MAP2: variants seen among roughly 807,000 people sequenced by gnomAD.
The protein encoded by MAP2 is microtubule-associated protein 2.
MAP2 carries 14 observed loss-of-function variants against 137.6 expected under a neutral mutation model. That is an observed-to-expected ratio of 0.10 (90% CI 0.07 to 0.16). The LOEUF (loss-of-function observed/expected upper bound fraction) is 0.16. MAP2 is among the 10% of genes least tolerant of loss of function. MAP2 has a pLI of 1.00. For missense variants in MAP2, 2,088 were observed against 2,191.5 expected (o/e 0.95, Z 0.94); for synonymous variants, 786 against 782.3 (o/e 1.00, Z -0.08).
At chr2:209,434,255 C>G (rs1020555871) in intron 1 of MAP2, among the ~76,000 whole-genome samples, 1 of 151,904 alleles carries the variant, frequency 6.6e-6, no homozygotes, top group South Asian at 2.1e-4. Flanking sequence ...ATTGTACTTT[C>G]GGCATGGTTC....
At chr2:209,559,786 CTT>C (rs1399408533) in intron 2 of MAP2, among the ~76,000 whole-genome samples, 1 of 148,674 alleles carries the variant, frequency 6.7e-6, no homozygotes, top group Non-Finnish European at 1.5e-5. Context: ...TCCAGAGACT[CTT>C]TGTATTTTCC....
chr2:209,519,342 G>T (rs766768044), intron 2 of MAP2, among the ~76,000 whole-genome samples: 8 of 152,040 alleles, frequency 5.3e-5, no homozygotes, highest in Non-Finnish European at 1.2e-4. Context: ...GGTAATTGGG[G>T]TGATCATCTG....
In MAP2 at chr2:209,693,345, A is replaced by G. The variant is rs767661117; in HGVS notation, c.1175A>G (p.Lys392Arg). Residue 392 changes from lysine (K) to arginine (R), a missense_variant, in exon 8 of 16, where the codon AAA becomes AGA. This residue lies in a region of MAP2 where 859 missense variants were observed against 794.5 expected (regional missense o/e 1.08). Coordinates refer to ENST00000682079, the MANE Select transcript of MAP2 (RefSeq NM_001375505.1). ...CCCTCAGAGGCAATGACCTTACCCA[A>G]AGATGCTCACATTCCAGTTGTAGAA... Reference protein sequence around the residue: ...APPSEAMTLPKDAHIPVVEEH... With the variant: ...APPSEAMTLPRDAHIPVVEEH... 19 of 1,612,978 alleles carry G rather than the reference A, an allele frequency of 1.2e-5. No individual in the cohort carries two copies. Among genetic ancestry groups the G allele is most frequent in the Non-Finnish European group, 1.6e-5 (19 of 1,179,760 alleles).
At chr2:209,465,302 T>TC (rs1465450163) in intron 1 of MAP2, among the ~76,000 whole-genome samples, 9 of 152,230 alleles carry the variant, frequency 5.9e-5, no homozygotes, top group African/African-American at 2.2e-4. Flanking sequence ...ACTAAATCAG[T>TC]CAAGGCACAT....
At chr2:209,571,419 C>A (rs2074378517) in intron 2 of MAP2, among the ~76,000 whole-genome samples, 1 of 151,904 alleles carries the variant, frequency 6.6e-6, no homozygotes, top group African/African-American at 2.4e-5. Flanking sequence ...TTAGTTTTAT[C>A]TGCTCTGGAA....
intron 1 of MAP2, among the ~76,000 whole-genome samples, chr2:209,436,807 T>C (rs1335999465): frequency 6.6e-6 from 1 of 151,698 alleles, no homozygotes; most frequent in African/African-American, 2.4e-5. Context: ...TAAAATCGTG[T>C]CCCCCTTCAA....
At chr2:209,703,913 T>C in intron 11 of MAP2, 1 of 449,582 alleles carries the variant, frequency 2.2e-6, no homozygotes, top group South Asian at 1.6e-5. Context: ...ACCTGGTTAA[T>C]AGAAAATAAA....
intron 1 of MAP2, among the ~76,000 whole-genome samples, chr2:209,456,227 G>T (rs79079399): frequency 0.057 from 8,647 of 152,200 alleles, 328 homozygotes; most frequent in East Asian, 0.19. Flanking sequence ...ATCTTCCAGT[G>T]CATCCTTAGG....
chr2:209,490,163 A>G (rs1227196412), intron 1 of MAP2, among the ~76,000 whole-genome samples: 2 of 152,188 alleles, frequency 1.3e-5, no homozygotes, highest in African/African-American at 4.8e-5. Flanking sequence ...CCAGAATTTC[A>G]TAGCCAGCCA....
intron 2 of MAP2, among the ~76,000 whole-genome samples, chr2:209,549,030 T>C (rs2068642405): frequency 6.6e-6 from 1 of 152,198 alleles, no homozygotes; most frequent in Non-Finnish European, 1.5e-5. Flanking sequence ...GAATGTTGAC[T>C]TTTTTCAATC....
intron 2 of MAP2, among the ~76,000 whole-genome samples, chr2:209,570,449 C>T (rs1224574487): frequency 6.6e-6 from 1 of 151,874 alleles, no homozygotes; most frequent in Non-Finnish European, 1.5e-5. Flanking sequence ...AGGCACATGA[C>T]TCTCAGAATT....
intron 1 of MAP2, among the ~76,000 whole-genome samples, chr2:209,505,539 C>A (rs1290102095): frequency 6.6e-6 from 1 of 152,044 alleles, no homozygotes; most frequent in Non-Finnish European, 1.5e-5. Context: ...AAATCAAAAC[C>A]CAACTTTGCA....
chr2:209,636,580 C>T lies in MAP2; in HGVS notation c.-30+11451C>T, dbSNP rs560400147. ...CGTATATATTATATATATATATATA[C>T]ACACACACACACTTATAAGCAACAG... On this transcript the variant is annotated intron_variant, in intron 4 of 15. Coordinates refer to ENST00000682079, the MANE Select transcript of MAP2 (RefSeq NM_001375505.1). 1.6e-4 allele frequency among the ~76,000 whole-genome samples: 23 copies of T among 141,846 alleles called. 1 individual carries two copies. The highest frequency in any genetic ancestry group is 1.2e-3 in the Admixed American group (15 of 12,094). The allele number at this position is 141,846 out of a possible 152,430, so 93.1% of individuals were successfully genotyped here. A position where few individuals can be genotyped will look rare whatever the true frequency, so the allele number is the denominator to read the frequency against.
At position 209,694,886 on chromosome 2, in the gene MAP2, A is replaced by G. The variant is rs749921089; in HGVS notation, c.2716A>G (p.Arg906Gly). The G allele has an allele frequency of 3.7e-6, 6 of 1,614,220 alleles. No homozygotes were observed. The highest frequency in any genetic ancestry group is 3.4e-6 in the Non-Finnish European group (4 of 1,180,022). The change falls in exon 8 of 16, where the codon AGA (arginine) becomes GGA (glycine). Residue 906 changes from arginine (R) to glycine (G), a missense_variant. Arg to Gly is a moderately radical substitution (Grantham distance 125). This residue lies in a region of MAP2 where 500 missense variants were observed against 482.9 expected (regional missense o/e 1.04). Transcript: ENST00000682079. ...CGAAGGCACTGATGATAAAGTTCGAAGAGATTTGGCCACAGACCTTTCACT... is the reference window on the plus strand; with the variant it reads ...CGAAGGCACTGATGATAAAGTTCGAGGAGATTTGGCCACAGACCTTTCACT... ...FYEGTDDKVR[R>G]DLATDLSLIE...
intron 5 of MAP2, among the ~76,000 whole-genome samples, chr2:209,678,274 A>G (rs2052889557): frequency 6.6e-6 from 1 of 152,052 alleles, no homozygotes; most frequent in Non-Finnish European, 1.5e-5. Context: ...CATAGACTTC[A>G]GAGTTGAAAA....
intron 1 of MAP2, among the ~76,000 whole-genome samples, chr2:209,457,238 A>G (rs763346133): frequency 1.3e-5 from 2 of 152,172 alleles, no homozygotes; most frequent in Admixed American, 6.5e-5. Flanking sequence ...AGCTACCCAG[A>G]TGAGCTTTTG....
intron 2 of MAP2, among the ~76,000 whole-genome samples, chr2:209,536,411 G>C (rs1321614979): frequency 5.3e-5 from 8 of 152,172 alleles, no homozygotes; most frequent in Middle Eastern, 3.2e-3. Flanking sequence ...CTGTTACCCA[G>C]CTTCTTTATA....
intron 1 of MAP2, among the ~76,000 whole-genome samples, chr2:209,485,574 G>A (rs1424373073): frequency 6.6e-6 from 1 of 152,138 alleles, no homozygotes; most frequent in Non-Finnish European, 1.5e-5. Context: ...CCTGTCGTTG[G>A]GAAGCAGGTG....
At chr2:209,520,268 T>A (rs1007491489) in intron 2 of MAP2, among the ~76,000 whole-genome samples, 6 of 152,048 alleles carry the variant, frequency 3.9e-5, no homozygotes, top group African/African-American at 9.7e-5. Context: ...CTATAAGATA[T>A]CCAGTGATTA....
Sources: allele counts gnomAD v4.1 joint callset (sites outside exome capture counted in the v4.1 genomes callset), GRCh38; gene constraint gnomAD v4.1.1; regional missense constraint gnomAD v4.1.1; transcripts MANE v1.5; gene names NCBI Gene and HGNC (gene_info 2026-07-23, HGNC 2026-07-21).